The following PLAC1 variants were observed in gnomAD, a reference collection of about 807,000 sequenced individuals.
PLAC1 encodes placenta-specific protein 1.
For missense variants in PLAC1, 136 were observed against 163.2 expected (o/e 0.83, Z 0.91); for synonymous variants, 68 against 62.1 (o/e 1.09, Z -0.44).
At chrX:134,630,223 G>A (rs1473168663) in intron 1 of PLAC1, among the ~76,000 whole-genome samples, 5 of 111,018 alleles carry the variant, frequency 4.5e-5, no homozygotes, top group Admixed American at 9.5e-5. Flanking sequence ...TGCCCCCCTC[G>A]GCCTCCCAAA....
At chrX:134,703,888 A>T (rs897374034) in intron 2 of PLAC1, among the ~76,000 whole-genome samples, 11 of 108,614 alleles carry the variant, frequency 1.0e-4, no homozygotes, top group Non-Finnish European at 3.8e-5. Context: ...CTCAAAGGAT[A>T]AATCGAAATA....
At chrX:134,696,057 A>G (rs1178209524) in intron 2 of PLAC1, among the ~76,000 whole-genome samples, 1 of 111,185 alleles carries the variant, frequency 9.0e-6, no homozygotes, top group Non-Finnish European at 1.9e-5. Context: ...TGTCCCATGC[A>G]ATATTTGGGA....
chrX:134,603,709 T>C (rs1253235321), intron 1 of PLAC1, among the ~76,000 whole-genome samples: 1 of 110,551 alleles, frequency 9.0e-6, no homozygotes, highest in African/African-American at 3.3e-5. Flanking sequence ...TGCACTGGAC[T>C]GGGAATCCAG....
chrX:134,728,753 G>A (rs2078680590), intron 2 of PLAC1, among the ~76,000 whole-genome samples: 1 of 110,991 alleles, frequency 9.0e-6, no homozygotes, highest in African/African-American at 3.3e-5. Context: ...AAGATTTTAA[G>A]GTATTTTGTA....
intron 2 of PLAC1, among the ~76,000 whole-genome samples, chrX:134,728,756 A>G (rs1282817522): frequency 1.8e-5 from 2 of 111,262 alleles, no homozygotes; most frequent in Non-Finnish European, 3.8e-5. Context: ...ATTTTAAGGT[A>G]TTTTGTAACT....
At chrX:134,576,228 C>T (rs1489813346) in intron 2 of PLAC1, among the ~76,000 whole-genome samples, 2 of 108,367 alleles carry the variant, frequency 1.8e-5, no homozygotes, top group African/African-American at 6.7e-5. Flanking sequence ...ATTATATATA[C>T]ATATATATGT....
intron 1 of PLAC1, among the ~76,000 whole-genome samples, chrX:134,626,343 C>T (rs1366231394): frequency 8.9e-6 from 1 of 112,600 alleles, no homozygotes; most frequent in Non-Finnish European, 1.9e-5. Context: ...TTTTGTTCAA[C>T]AGTTTACTCC....
chrX:134,649,025 T>TTG (rs760514947), intron 1 of PLAC1, among the ~76,000 whole-genome samples: 2 of 111,453 alleles, frequency 1.8e-5, no homozygotes, highest in Non-Finnish European at 3.8e-5. Context: ...TCCCAGAACT[T>TTG]TGGGAGGCCA....
chrX:134,645,943 G>A (rs1214314744), intron 1 of PLAC1, among the ~76,000 whole-genome samples: 2 of 111,554 alleles, frequency 1.8e-5, no homozygotes, highest in African/African-American at 6.5e-5. Flanking sequence ...CTTTACATAC[G>A]GTTGGACCAG....
At chrX:134,652,750 A>T (rs752542903) in intron 1 of PLAC1, among the ~76,000 whole-genome samples, 67 of 105,645 alleles carry the variant, frequency 6.3e-4, no homozygotes, top group Non-Finnish European at 1.4e-4. Context: ...TGATATATCC[A>T]ATATGCTTAC....
rs182498936 is a variant in PLAC1, at chrX:134,629,969, T to C, written c.-130-27847A>G. Among the ~76,000 whole-genome samples the C allele has an allele frequency of 5.9e-3, 449 of 75,802 alleles. 3 individuals are homozygous for C. The highest frequency in any genetic ancestry group is 0.022 in the African/African-American group (422 of 18,889). 65.8% of individuals were successfully genotyped at this position (75,802 alleles called of 115,157 possible). On this transcript the variant is annotated intron_variant, in intron 1 of 2. Transcript: ENST00000359237. Reference sequence around the variant, plus strand: ...TTCTTTCTTTCTTCCTCTTCTTCCCTTTTTTTTTTTTTTTTTTTTGAGACA... The same window carrying C: ...TTCTTTCTTTCTTCCTCTTCTTCCCCTTTTTTTTTTTTTTTTTTTGAGACA...
intron 2 of PLAC1, among the ~76,000 whole-genome samples, chrX:134,702,619 G>A (rs990067790): frequency 9.0e-6 from 1 of 111,655 alleles, no homozygotes; most frequent in Non-Finnish European, 1.9e-5. Flanking sequence ...AGAGAGGGGG[G>A]CAAGGGTTGA....
chrX:134,760,156 T>C (rs1184558645), intron 1 of PLAC1: 1 of 112,214 alleles, frequency 8.9e-6, no homozygotes, highest in Non-Finnish European at 1.9e-5. Context: ...AAATAAAAAT[T>C]TTAAATTATG....
chrX:134,590,027 G>C (rs758363220), intron 2 of PLAC1, among the ~76,000 whole-genome samples: 687 of 43,952 alleles, frequency 0.016, 4 homozygotes, highest in African/African-American at 0.037. Context: ...AAACCCATCT[G>C]TACTAAAAAT....
At chrX:134,623,348 C>A (rs1051234307) in intron 1 of PLAC1, among the ~76,000 whole-genome samples, 1 of 112,027 alleles carries the variant, frequency 8.9e-6, no homozygotes, top group African/African-American at 3.2e-5. Context: ...TGGAATCCAA[C>A]CTTTCAACTC....
upstream of PLAC1, among the ~76,000 whole-genome samples, chrX:134,659,592 G>A (rs1665742188): frequency 8.9e-6 from 1 of 111,831 alleles, no homozygotes; most frequent in East Asian, 2.8e-4. Flanking sequence ...AGAGTAGGCA[G>A]TCACATAACC....
At chrX:134,718,484 C>T (rs770058957) in intron 2 of PLAC1, among the ~76,000 whole-genome samples, 1 of 112,421 alleles carries the variant, frequency 8.9e-6, no homozygotes, top group Non-Finnish European at 1.9e-5. Context: ...CTTGACATTC[C>T]TCACGTTCAG....
chrX:134,673,159 G>C (rs1445922189), intron 2 of PLAC1, among the ~76,000 whole-genome samples: 1 of 109,246 alleles, frequency 9.2e-6, no homozygotes, highest in Non-Finnish European at 1.9e-5. Flanking sequence ...AAGAAAAAGA[G>C]AAAGGAAAGA....
Position 134,696,900 on chromosome X carries a change from C to T in PLAC1, n.174+36535G>A, listed in dbSNP as rs187117754. ...AAAAAAAATTAGCCGGGCGGGGTGG[C>T]GGGCGCCTGTAGTCCCAACCACTCG... On this transcript the variant is annotated intron_variant and non_coding_transcript_variant, in intron 2 of 2. Transcript: ENST00000466797. Among the ~76,000 whole-genome samples the T allele has an allele frequency of 3.2e-3, 342 of 108,488 alleles. 4 individuals are homozygous for T. Among genetic ancestry groups the T allele is most frequent in the African/African-American group, 0.011 (336 of 29,831 alleles). 94.2% of individuals were successfully genotyped at this position (108,488 alleles called of 115,157 possible). A position where few individuals can be genotyped will look rare whatever the true frequency, so the allele number is the denominator to read the frequency against.
Sources: allele counts gnomAD v4.1 joint callset (sites outside exome capture counted in the v4.1 genomes callset), GRCh38; gene constraint gnomAD v4.1.1; transcripts MANE v1.5; gene names NCBI Gene and HGNC (gene_info 2026-07-23, HGNC 2026-07-21).